The following ANKIB1 variants were observed in gnomAD, a reference collection of about 807,000 sequenced individuals.
ANKIB1 encodes the protein ankyrin repeat and IBR domain containing 1, also known as ankyrin repeat and IBR domain-containing protein 1.
A neutral mutation model predicts 122.1 loss-of-function variants in ANKIB1; 43 were observed. The ratio of observed to expected loss-of-function variants is 0.35; its 90% CI spans 0.28 to 0.45. ANKIB1 has a LOEUF of 0.45. Among genes scored for constraint, ANKIB1 ranks in the 20% least tolerant of loss-of-function variants. The probability of loss-of-function intolerance (pLI) is 1.00; values close to 1 mark genes in which losing one functional copy is unlikely to be tolerated. For missense variants in ANKIB1, 992 were observed against 1,329.5 expected (o/e 0.75, Z 3.95); for synonymous variants, 390 against 442.0 (o/e 0.88, Z 1.48).
intron 1 of ANKIB1, among the ~76,000 whole-genome samples, chr7:92,265,540 A>C (rs879612057): frequency 1.3e-5 from 2 of 152,238 alleles, no homozygotes; most frequent in Non-Finnish European, 1.5e-5. Flanking sequence ...TTATGCTGTA[A>C]AGCAAAACAT....
At chr7:92,335,769 AT>A (rs1394956916) in intron 5 of ANKIB1, among the ~76,000 whole-genome samples, 1 of 151,764 alleles carries the variant, frequency 6.6e-6, no homozygotes, top group Non-Finnish European at 1.5e-5. Context: ...TTAATGTAAT[AT>A]TGTTGTGGTT....
chr7:92,337,114 T>C (rs1260578520), intron 5 of ANKIB1, among the ~76,000 whole-genome samples: 1 of 152,244 alleles, frequency 6.6e-6, no homozygotes, highest in African/African-American at 2.4e-5. Flanking sequence ...AAGTGATGCT[T>C]ATTATTTTCT....
intron 1 of ANKIB1, among the ~76,000 whole-genome samples, chr7:92,269,824 T>C (rs1023444294): frequency 2.6e-5 from 4 of 151,990 alleles, no homozygotes; most frequent in African/African-American, 7.3e-5. Flanking sequence ...TACTTTAAGT[T>C]CTAGGGTACA....
In ANKIB1 at chr7:92,397,786, T is replaced by A. The variant is rs1804932770; in HGVS notation, c.2459T>A (p.Met820Lys). ...ACATCCGTGGTAAGTTCTGCATCTATGAGTGTGCTGCACAGCTCTTCCCTG... is the reference window on the plus strand; with the variant it reads ...ACATCCGTGGTAAGTTCTGCATCTAAGAGTGTGCTGCACAGCTCTTCCCTG... Reference protein sequence around the residue: ...PGTSVVSSASMSVLHSSSLRD... With the variant: ...PGTSVVSSASKSVLHSSSLRD... The change falls in exon 19 of 20, where the codon ATG (methionine) becomes AAG (lysine). Residue 820 changes from methionine (M) to lysine (K), a missense_variant. Around this residue, in one of 4 missense-constraint regions of ANKIB1, gnomAD observed 384 missense variants for 412.0 expected, o/e 0.93. Transcript: ENST00000265742. 6.2e-7 allele frequency: 1 copy of A among 1,609,342 alleles called. No individual in the cohort carries two copies. Among genetic ancestry groups the A allele is most frequent in the Non-Finnish European group, 8.5e-7 (1 of 1,178,738 alleles).
chr7:92,329,210 A>C (rs1490640854), intron 5 of ANKIB1, among the ~76,000 whole-genome samples: 1 of 151,576 alleles, frequency 6.6e-6, no homozygotes, highest in Admixed American at 6.6e-5. Context: ...TAGGTGATCC[A>C]CCCCCTCGCC....
chr7:92,307,933 C>T (rs1370321829), intron 3 of ANKIB1, among the ~76,000 whole-genome samples: 1 of 150,824 alleles, frequency 6.6e-6, no homozygotes, highest in Admixed American at 6.6e-5. Context: ...CCTGCCTCAG[C>T]CTCCCCAGTA....
intron 19 of ANKIB1, 22 bp from the exon 20 acceptor site, chr7:92,398,190 G>A (rs369914511): frequency 1.8e-5 from 28 of 1,545,284 alleles, no homozygotes; most frequent in Middle Eastern, 1.9e-4. Context: ...TTTTAAAGTG[G>A]TTTTGCTTTC....
intron 2 of ANKIB1, among the ~76,000 whole-genome samples, chr7:92,297,556 C>G (rs191146560): frequency 6.6e-6 from 1 of 152,280 alleles, no homozygotes. Context: ...CTGCTAAGTT[C>G]ACTAAGTCTT....
In ANKIB1 at chr7:92,307,465, C is replaced by T; in HGVS notation, c.295C>T (p.Leu99Phe). Residue 99 changes from leucine to phenylalanine, a missense_variant, in exon 3 of 20, where the codon CTT (leucine) becomes TTT (phenylalanine). By Grantham distance (22) the Leu-to-Phe change is conservative. Around this residue, in one of 4 missense-constraint regions of ANKIB1, gnomAD observed 33 missense variants for 27.5 expected, o/e 1.20. Coordinates refer to ENST00000265742, the MANE Select transcript of ANKIB1 (RefSeq NM_019004.2). ...TCAAATTATGATATCTGAAGGAGCCCTTCATCCTCGCTTGGCACGCCCCAC... is the reference window on the plus strand; with the variant it reads ...TCAAATTATGATATCTGAAGGAGCCTTTCATCCTCGCTTGGCACGCCCCAC... ...GPQIMISEGALHPRLARPTED... is the reference protein window; with the variant it reads ...GPQIMISEGAFHPRLARPTED... 6.2e-7 allele frequency: 1 copy of T among 1,613,892 alleles called. No individual in the cohort carries two copies. The highest frequency in any genetic ancestry group is 8.5e-7 in the Non-Finnish European group (1 of 1,179,876).
intron 1 of ANKIB1, among the ~76,000 whole-genome samples, chr7:92,274,903 C>T (rs1026032224): frequency 2.0e-5 from 3 of 152,124 alleles, no homozygotes; most frequent in African/African-American, 4.8e-5. Context: ...CTCCAGCCTG[C>T]GCAACAGAAT....
intron 3 of ANKIB1, among the ~76,000 whole-genome samples, chr7:92,315,275 A>C (rs983158382): frequency 1.3e-5 from 2 of 152,212 alleles, no homozygotes; most frequent in African/African-American, 4.8e-5. Context: ...TTGAGTTTTC[A>C]TTTAGAAGGC....
intron 1 of ANKIB1, among the ~76,000 whole-genome samples, chr7:92,268,293 T>A (rs910368830): frequency 6.6e-6 from 1 of 152,206 alleles, no homozygotes; most frequent in Non-Finnish European, 1.5e-5. Flanking sequence ...AAAATTGGAT[T>A]GTTCTTAATA....
intron 3 of ANKIB1, among the ~76,000 whole-genome samples, chr7:92,317,343 T>G (rs568070540): frequency 6.6e-6 from 1 of 152,222 alleles, no homozygotes; most frequent in African/African-American, 2.4e-5. Context: ...GCTGAGATTC[T>G]TCATTTCTAA....
chr7:92,329,633 G>A (rs1226219861), intron 5 of ANKIB1, among the ~76,000 whole-genome samples: 2 of 152,088 alleles, frequency 1.3e-5, no homozygotes, highest in Non-Finnish European at 1.5e-5. Context: ...ATCACAGCTG[G>A]ACTCATCATT....
chr7:92,283,539 A>G (rs1802053146), intron 1 of ANKIB1, among the ~76,000 whole-genome samples: 1 of 152,162 alleles, frequency 6.6e-6, no homozygotes, highest in African/African-American at 2.4e-5. Flanking sequence ...TACTTCCAGT[A>G]TAAGGTCTGT....
intron 1 of ANKIB1, among the ~76,000 whole-genome samples, chr7:92,261,209 C>A (rs903580757): frequency 1.3e-5 from 2 of 151,450 alleles, no homozygotes; most frequent in African/African-American, 4.9e-5. Context: ...ATTAGCCAGG[C>A]GTGGTAGCGG....
At chr7:92,377,323 C>T (rs2115661000) in intron 11 of ANKIB1, among the ~76,000 whole-genome samples, 1 of 152,220 alleles carries the variant, frequency 6.6e-6, no homozygotes, top group East Asian at 1.9e-4. Flanking sequence ...AGAACACATA[C>T]AACATATATA....
chr7:92,364,310 TAAAAAAAAAAAA>T (rs762884822), intron 10 of ANKIB1, among the ~76,000 whole-genome samples: 41 of 33,526 alleles, frequency 1.2e-3, no homozygotes, highest in Middle Eastern at 0.022. Flanking sequence ...AGACTCCATC[TAAAAAAAAAAAA>T]AAAAAAAAAA....
intron 1 of ANKIB1, among the ~76,000 whole-genome samples, chr7:92,273,017 G>A (rs887694546): frequency 2.6e-5 from 4 of 152,048 alleles, no homozygotes; most frequent in African/African-American, 9.7e-5. Context: ...CAGCATCATT[G>A]GATATATATA....
Sources: allele counts gnomAD v4.1 joint callset (sites outside exome capture counted in the v4.1 genomes callset), GRCh38; gene constraint gnomAD v4.1.1; regional missense constraint gnomAD v4.1.1; transcripts MANE v1.5; gene names NCBI Gene and HGNC (gene_info 2026-07-23, HGNC 2026-07-21).